The following MTMR1 variants were observed in gnomAD, a reference collection of about 807,000 sequenced individuals.
MTMR1 encodes myotubularin related protein 1, also known as phosphatidylinositol-3-phosphate phosphatase MTMR1.
A neutral mutation model predicts 51.6 loss-of-function variants in MTMR1; 17 were observed. That is an observed-to-expected ratio of 0.33 (90% CI 0.23 to 0.49). MTMR1 has a LOEUF of 0.49. Ranked by LOEUF, MTMR1 falls within the 20% of genes least tolerant of loss-of-function variation. The probability of loss-of-function intolerance (pLI) is 0.99; values close to 1 mark genes in which losing one functional copy is unlikely to be tolerated. For missense variants in MTMR1, 386 were observed against 526.9 expected, an observed-to-expected ratio of 0.73 and a Z score of 2.62; for synonymous variants, 201 against 205.6, an observed-to-expected ratio of 0.98 and a Z score of 0.19.
intron 9 of MTMR1, 24 bp downstream of exon 9, chrX:150,731,643 A>G (rs1557417005): frequency 4.4e-6 from 5 of 1,134,919 alleles, no homozygotes; most frequent in Non-Finnish European, 5.9e-6. Flanking sequence ...ATTGTCATTT[A>G]TATAGGAATA....
At chrX:150,704,921 T>A (rs1249998097) in intron 2 of MTMR1, among the ~76,000 whole-genome samples, 5 of 110,487 alleles carry the variant, frequency 4.5e-5, no homozygotes. Flanking sequence ...AAAACTGAGA[T>A]GATAGAGATG....
chrX:150,718,700 G>A lies in MTMR1; in HGVS notation c.352G>A (p.Val118Met). ...CCCAGGAGAATCAATTAAAGCCATT[G>A]GTAAGTTTAGTGTGTACACTTCGCT... ...LFPGESIKAI[V>M]KDVMYICPFM... Residue 118 changes from valine to methionine, a missense_variant and splice_region_variant, in exon 4 of 16, where the codon GTG (valine) becomes ATG (methionine). Physicochemically the swap from Val to Met is conservative, Grantham distance 21 (BLOSUM62 1). Coordinates refer to ENST00000445323, the MANE Select transcript of MTMR1 (RefSeq NM_001306144.3). 8.6e-7 allele frequency: 1 copy of A among 1,162,449 alleles called. No homozygotes were observed. Among genetic ancestry groups the A allele is most frequent in the Non-Finnish European group, 1.2e-6 (1 of 869,534 alleles).
chrX:150,756,937 C>T (rs1350435698), intron 15 of MTMR1, among the ~76,000 whole-genome samples: 3 of 112,513 alleles, frequency 2.7e-5, no homozygotes, highest in African/African-American at 9.7e-5. Flanking sequence ...GGGTGTGCAC[C>T]ACTGCGCCAG....
intron 2 of MTMR1, among the ~76,000 whole-genome samples, chrX:150,699,520 GT>G (rs782494688): frequency 2.3e-4 from 26 of 112,390 alleles, no homozygotes; most frequent in East Asian, 5.5e-4. Flanking sequence ...AGGAGAAGCT[GT>G]CTTTAGATGA....
intron 2 of MTMR1, among the ~76,000 whole-genome samples, chrX:150,711,641 G>A (rs2041310964): frequency 8.9e-6 from 1 of 112,261 alleles, no homozygotes; most frequent in African/African-American, 3.2e-5. Context: ...TGTGCCTGCT[G>A]AATAAAGCTG....
chrX:150,749,579 A>G (rs782541684), intron 13 of MTMR1, among the ~76,000 whole-genome samples: 6 of 111,895 alleles, frequency 5.4e-5, no homozygotes, highest in Non-Finnish European at 9.4e-5. Context: ...CACACCAGCT[A>G]CTGGCTAGAA....
chrX:150,758,960 C>G (rs782397465), intron 15 of MTMR1, among the ~76,000 whole-genome samples: 41 of 112,402 alleles, frequency 3.6e-4, no homozygotes, highest in African/African-American at 9.7e-4. Context: ...GGCGAGCTGT[C>G]TTTGAAATGG....
At chrX:150,731,318 AATATATATATTGACTT>A (rs1280907314) in intron 8 of MTMR1, 136 bp from the exon 9 acceptor site, 18 of 424,343 alleles carry the variant, frequency 4.2e-5, no homozygotes, top group Non-Finnish European at 5.9e-5. Context: ...TTACCGAATA[AATATATATATTGACTT>A]TTAAGTTACA....
Position 150,763,576 on chromosome X carries a change from G to T in MTMR1, c.*847G>T, listed in dbSNP as rs1250670127. On this transcript the variant is annotated 3_prime_UTR_variant, in exon 16 of 16. Coordinates refer to ENST00000445323, the MANE Select transcript of MTMR1 (RefSeq NM_001306144.3). ...AGCACTGCCTGTCACTCGCTCCTGG[G>T]CTGTCTAGCCATGTCTCCCACCCCC... is the stretch of plus-strand genomic sequence containing the variant. The T allele has an allele frequency of 8.8e-6, 1 of 113,078 alleles. No individual in the cohort carries two copies. Among genetic ancestry groups the T allele is most frequent in the Non-Finnish European group, 1.9e-5 (1 of 53,409 alleles). The allele number at this position is 113,078 out of a possible 1,213,427, so 9.3% of individuals were successfully genotyped here.
intron 4 of MTMR1, among the ~76,000 whole-genome samples, chrX:150,726,010 T>C (rs2041909384): frequency 8.9e-6 from 1 of 111,884 alleles, no homozygotes; most frequent in Admixed American, 9.5e-5. Context: ...TTTTAGCTTT[T>C]GTCAACCTCT....
chrX:150,694,967 T>G (rs908093284), intron 1 of MTMR1, among the ~76,000 whole-genome samples: 8 of 112,355 alleles, frequency 7.1e-5, no homozygotes, highest in Non-Finnish European at 1.3e-4. Flanking sequence ...GACCAGAATG[T>G]GTCACCCCCA....
intron 3 of MTMR1, among the ~76,000 whole-genome samples, chrX:150,716,183 T>G: frequency 8.9e-6 from 1 of 112,801 alleles, no homozygotes; most frequent in Admixed American, 9.4e-5. Context: ...GTATAATACA[T>G]GATAATATTT....
In MTMR1 at chrX:150,755,716, T is replaced by C. The variant is rs2042886596; in HGVS notation, c.1708T>C (p.Trp570Arg). ...EDVYTKTISL[W>R]SYINSQLDEF... ...TGTATATACAAAGACGATATCTTTA[T>C]GGTCGTATATCAATAGCCAGCTAGA... Residue 570 changes from tryptophan (W) to arginine (R), a missense_variant, in exon 15 of 16, where the codon TGG (tryptophan) becomes CGG (arginine). Coordinates refer to ENST00000445323, the MANE Select transcript of MTMR1 (RefSeq NM_001306144.3). The C allele has an allele frequency of 8.4e-7, 1 of 1,195,123 alleles. No individual in the cohort carries two copies. Among genetic ancestry groups the C allele is most frequent in the Non-Finnish European group, 1.1e-6 (1 of 890,098 alleles).
At chrX:150,713,568 A>G (rs2041385735) in intron 3 of MTMR1, among the ~76,000 whole-genome samples, 1 of 112,036 alleles carries the variant, frequency 8.9e-6, no homozygotes, top group Admixed American at 9.5e-5. Flanking sequence ...TTCATGAAGC[A>G]AAAATATATA....
chrX:150,759,416 G>A (rs1569565770), intron 15 of MTMR1, among the ~76,000 whole-genome samples: 36 of 109,500 alleles, frequency 3.3e-4, no homozygotes, highest in African/African-American at 1.2e-3. Context: ...GGTTGGTGGA[G>A]TGTCATGAAC....
chrX:150,727,612 C>G (rs1557416821), intron 5 of MTMR1, 72 bp from the exon 6 acceptor site: 7 of 832,164 alleles, frequency 8.4e-6, no homozygotes, highest in Non-Finnish European at 1.2e-5. Flanking sequence ...TGTTTTGTAA[C>G]CCAGCAAAGA....
At chrX:150,750,412 A>G (rs782000522) in intron 13 of MTMR1, among the ~76,000 whole-genome samples, 3 of 111,377 alleles carry the variant, frequency 2.7e-5, no homozygotes, top group Non-Finnish European at 5.7e-5. Flanking sequence ...GTCATTTCTT[A>G]TATTGTATCC....
In MTMR1 at chrX:150,727,739, T is replaced by C; in HGVS notation, c.503T>C (p.Ile168Thr). The C allele has an allele frequency of 8.3e-7, 1 of 1,211,338 alleles. No individual in the cohort carries two copies. The highest frequency in any genetic ancestry group is 1.1e-6 in the Non-Finnish European group (1 of 895,119). The part of the protein sequence containing the change: ...PLGVISRVEK[I>T]GAQSHGDNSC... ...GGAGTGATCAGCAGAGTGGAGAAGA[T>C]TGGAGCACAGAGCCATGGAGACAAT... Residue 168 changes from isoleucine to threonine, a missense_variant, in exon 6 of 16, where the codon ATT becomes ACT. By Grantham distance (89) the Ile-to-Thr change is moderately conservative (BLOSUM62 -1). Transcript: ENST00000445323.
intron 13 of MTMR1, among the ~76,000 whole-genome samples, chrX:150,750,119 C>T (rs1378478981): frequency 9.7e-6 from 1 of 102,588 alleles, no homozygotes; most frequent in African/African-American, 4.0e-5. Flanking sequence ...AGAGAGACTC[C>T]GTCTCAAAAA....
Sources: gnomAD v4.1 joint callset for allele counts (sites outside exome capture counted in the v4.1 genomes callset) on GRCh38, gnomAD v4.1.1 for gene constraint, MANE v1.5 for transcripts, NCBI Gene and HGNC (gene_info 2026-07-23, HGNC 2026-07-21) for gene names.